PRH1: variants seen among roughly 807,000 people sequenced by gnomAD.
PRH1 encodes proline rich protein HaeIII subfamily 1.
Under a neutral mutation model 7.9 loss-of-function variants are expected in PRH1, and 7 were observed. The observed-to-expected ratio is 0.89, with a 90% CI of 0.50 to 1.67. The LOEUF is 1.67. Ranked by LOEUF, PRH1 falls within the 40% of genes most tolerant of loss-of-function variation. The pLI, the probability that PRH1 is intolerant of heterozygous loss-of-function variation, is 0.00. For missense variants in PRH1, 109 were observed against 223.6 expected (o/e 0.49, Z 3.27); for synonymous variants, 45 against 80.8 (o/e 0.56, Z 2.38).
intron 2 of PRH1, chr12:10,909,432 T>C (rs1949862556): frequency 1.6e-6 from 1 of 642,096 alleles, no homozygotes; most frequent in Non-Finnish European, 2.7e-6. Flanking sequence ...CATTGTTGGC[T>C]CAACGTCAAA....
intron 2 of PRH1, chr12:10,909,133 T>C (rs1436014080): frequency 2.5e-6 from 4 of 1,613,838 alleles, no homozygotes; most frequent in Non-Finnish European, 3.4e-6. Flanking sequence ...ATCAGCCCAA[T>C]TCTGGAGATT....
chr12:10,939,466 CTT>C (rs767593427), intron 2 of PRH1, among the ~76,000 whole-genome samples: 1 of 151,024 alleles, frequency 6.6e-6, no homozygotes, highest in East Asian at 2.0e-4. Context: ...AGGCTGAAGT[CTT>C]TTGTAGCTGG....
intron 1 of PRH1, among the ~76,000 whole-genome samples, chr12:11,140,249 ATTGT>A (rs1022204214): frequency 2.0e-5 from 3 of 152,138 alleles, no homozygotes; most frequent in African/African-American, 7.2e-5. Flanking sequence ...AAATTTCAGG[ATTGT>A]TTAACAACTC....
chr12:11,022,973 G>C (rs1373513198), intron 1 of PRH1, among the ~76,000 whole-genome samples: 1 of 152,086 alleles, frequency 6.6e-6, no homozygotes, highest in Non-Finnish European at 1.5e-5. Flanking sequence ...AGCATCTTCA[G>C]TTGTTCCATA....
chr12:11,022,346 A>G (rs776431399), intron 1 of PRH1: 4 of 1,614,184 alleles, frequency 2.5e-6, no homozygotes, highest in Non-Finnish European at 3.4e-6. Context: ...TCTAAACCAT[A>G]TAAAGCAGAA....
intron 1 of PRH1, among the ~76,000 whole-genome samples, chr12:11,108,603 G>A (rs1945499576): frequency 6.6e-6 from 1 of 152,206 alleles, no homozygotes; most frequent in Non-Finnish European, 1.5e-5. Flanking sequence ...GAAGCTGTAA[G>A]GGACCATGCA....
intron 1 of PRH1, among the ~76,000 whole-genome samples, chr12:11,057,781 C>T (rs1389189725): frequency 1.3e-5 from 2 of 151,248 alleles, no homozygotes; most frequent in African/African-American, 2.4e-5. Context: ...TTACGGGGCT[C>T]GTCATTTGGT....
At chr12:11,059,190 C>T (rs1943487277) in intron 1 of PRH1, among the ~76,000 whole-genome samples, 1 of 152,210 alleles carries the variant, frequency 6.6e-6, no homozygotes, top group South Asian at 2.1e-4. Context: ...TGGACTAATG[C>T]CGGCTGTGGT....
At chr12:11,088,140 A>G (rs1944769738) in intron 1 of PRH1, among the ~76,000 whole-genome samples, 1 of 129,586 alleles carries the variant, frequency 7.7e-6, no homozygotes, top group Admixed American at 7.8e-5. Context: ...CAGGAGTTTG[A>G]GACCAGCCTG....
intron 1 of PRH1, among the ~76,000 whole-genome samples, chr12:11,000,196 T>C (rs756858186): frequency 6.6e-6 from 1 of 152,132 alleles, no homozygotes; most frequent in Non-Finnish European, 1.5e-5. Context: ...ATATATCTTA[T>C]CAATAATATA....
chr12:11,141,157 C>T (rs1172780600), intron 1 of PRH1, among the ~76,000 whole-genome samples: 6 of 152,118 alleles, frequency 3.9e-5, no homozygotes, highest in African/African-American at 9.7e-5. Flanking sequence ...GTGGAAATAG[C>T]CCTATTTTCC....
intron 2 of PRH1, among the ~76,000 whole-genome samples, chr12:10,904,787 T>G (rs1287912569): frequency 3.3e-5 from 5 of 151,898 alleles, no homozygotes; most frequent in Non-Finnish European, 7.4e-5. Flanking sequence ...GCAACAAGGG[T>G]CTAATATCCC....
chr12:11,048,197 A>G (rs1202427443), upstream of PRH1: 1 of 106,394 alleles, frequency 9.4e-6, no homozygotes, highest in Non-Finnish European at 2.1e-5. Flanking sequence ...TAGATAGATG[A>G]CTTTTCTAGG....
At chr12:11,096,644 TCTGTTG>T (rs2136273390) in intron 1 of PRH1, among the ~76,000 whole-genome samples, 1 of 115,682 alleles carries the variant, frequency 8.6e-6, no homozygotes, top group South Asian at 2.4e-4. Flanking sequence ...TAGTAGCTTA[TCTGTTG>T]CTGGGTCATC....
At chr12:10,881,717 C>T (rs1949403433) in intron 3 of PRH1, among the ~76,000 whole-genome samples, 1 of 152,130 alleles carries the variant, frequency 6.6e-6, no homozygotes, top group Non-Finnish European at 1.5e-5. Context: ...TAGCTCTGTA[C>T]ATTTCGGTTC....
intron 1 of PRH1, among the ~76,000 whole-genome samples, chr12:11,112,827 G>A (rs1422620558): frequency 6.6e-6 from 1 of 152,088 alleles, no homozygotes; most frequent in Non-Finnish European, 1.5e-5. Context: ...AAGAAATAAA[G>A]GGTATTCAAA....
intron 1 of PRH1, among the ~76,000 whole-genome samples, chr12:11,152,200 T>A: frequency 6.6e-6 from 1 of 150,962 alleles, no homozygotes; most frequent in Non-Finnish European, 1.5e-5. Flanking sequence ...TCATTTAGCA[T>A]TAGGTATATC....
At chr12:10,997,044 T>A in intron 1 of PRH1, 1 of 1,614,010 alleles carries the variant, frequency 6.2e-7, no homozygotes. Context: ...CAAATCAGAA[T>A]GAATGAGTGG....
chr12:10,964,855 G>A (rs1938428984), intron 2 of PRH1: 2 of 549,502 alleles, frequency 3.6e-6, no homozygotes, highest in Admixed American at 2.3e-5. Flanking sequence ...CACTCAATTT[G>A]ATCTCCCAAC....
Sources: allele counts gnomAD v4.1 joint callset (sites outside exome capture counted in the v4.1 genomes callset), GRCh38; gene constraint gnomAD v4.1.1; transcripts MANE v1.5; gene names NCBI Gene and HGNC (gene_info 2026-07-23, HGNC 2026-07-21).